CDYL: variants seen among roughly 807,000 people sequenced by gnomAD.
The protein encoded by CDYL is chromodomain Y-like protein.
A neutral mutation model predicts 47.3 loss-of-function variants in CDYL; 8 were observed. The ratio of observed to expected loss-of-function variants is 0.17; its 90% CI spans 0.10 to 0.31. The LOEUF (loss-of-function observed/expected upper bound fraction) is 0.31, where lower values mean the gene tolerates loss of function less well. Ranked by LOEUF, CDYL falls within the 10% of genes least tolerant of loss-of-function variation. The pLI, the probability that CDYL is intolerant of heterozygous loss-of-function variation, is 1.00. For missense variants in CDYL, 471 were observed against 701.4 expected, an observed-to-expected ratio of 0.67 and a Z score of 3.71; for synonymous variants, 266 against 265.0, an observed-to-expected ratio of 1.00 and a Z score of -0.04.
intron 1 of CDYL, among the ~76,000 whole-genome samples, chr6:4,779,143 CT>C (rs1374418544): frequency 6.6e-6 from 1 of 152,178 alleles, no homozygotes; most frequent in Admixed American, 6.5e-5. Flanking sequence ...GCAGTATTAT[CT>C]GTAGGGCAGA....
At chr6:4,922,914 G>C (rs968001040) in intron 2 of CDYL, among the ~76,000 whole-genome samples, 1 of 152,184 alleles carries the variant, frequency 6.6e-6, no homozygotes, top group Non-Finnish European at 1.5e-5. Flanking sequence ...TCGGGTGCCT[G>C]CAAGTGTGGC....
At position 4,953,989 on chromosome 6, in the gene CDYL, T is replaced by C; in HGVS notation, c.1568T>C (p.Ile523Thr). ...NERECEVLKK[I>T]WGSAQGMDSM... is the part of the protein sequence containing the mutation. ...AGGGAGTGTGAGGTGCTGAAGAAAA[T>C]CTGGGGCTCGGCCCAGGGGATGGAC... is the stretch of plus-strand genomic sequence containing the variant. The change falls in exon 7 of 7, where the codon ATC (isoleucine) becomes ACC (threonine). Residue 523 changes from isoleucine (I) to threonine (T), a missense_variant. Ile to Thr is a moderately conservative substitution (Grantham distance 89, BLOSUM62 -1). Around this residue, in one of 3 missense-constraint regions of CDYL, gnomAD observed 57 missense variants for 74.3 expected, o/e 0.77. Coordinates refer to ENST00000397588, the MANE Select transcript of CDYL (RefSeq NM_004824.4). 6.2e-7 allele frequency: 1 copy of C among 1,613,830 alleles called. No homozygotes were observed. The highest frequency in any genetic ancestry group is 1.3e-5 in the African/African-American group (1 of 74,920).
At chr6:4,852,283 A>G (rs973934378) in intron 1 of CDYL, among the ~76,000 whole-genome samples, 9 of 152,146 alleles carry the variant, frequency 5.9e-5, no homozygotes, top group Non-Finnish European at 1.0e-4. Context: ...ACTGGGGCAA[A>G]TGATGATTCC....
chr6:4,738,006 A>C (rs1368117935), intron 3 of CDYL, among the ~76,000 whole-genome samples: 14 of 152,276 alleles, frequency 9.2e-5, no homozygotes, highest in Admixed American at 9.2e-4. Context: ...AACATGCTAA[A>C]ATTATTTTAA....
intron 3 of CDYL, among the ~76,000 whole-genome samples, chr6:4,747,306 C>CAA (rs11481080): frequency 0.014 from 1,819 of 132,742 alleles, 30 homozygotes; most frequent in Middle Eastern, 0.027. Flanking sequence ...GACTTCATCT[C>CAA]AAAAAAAAAA....
intron 1 of CDYL, among the ~76,000 whole-genome samples, chr6:4,784,042 T>A (rs1036819128): frequency 6.6e-6 from 1 of 152,210 alleles, no homozygotes; most frequent in Admixed American, 6.5e-5. Flanking sequence ...TGTTTGTGTT[T>A]TGTTTTCTTT....
chr6:4,921,330 T>A (rs1410313465), intron 2 of CDYL, among the ~76,000 whole-genome samples: 1 of 152,190 alleles, frequency 6.6e-6, no homozygotes. Flanking sequence ...AGCACCGGCC[T>A]TCTCCCCATT....
At chr6:4,807,479 T>C (rs571998311) in intron 1 of CDYL, among the ~76,000 whole-genome samples, 7 of 152,296 alleles carry the variant, frequency 4.6e-5, no homozygotes, top group African/African-American at 1.7e-4. Context: ...GCAGCAGTTC[T>C]GTGGTGCTTA....
chr6:4,800,407 AGTT>A (rs1288916354), intron 1 of CDYL, among the ~76,000 whole-genome samples: 3 of 152,114 alleles, frequency 2.0e-5, no homozygotes, highest in Non-Finnish European at 4.4e-5. Context: ...TTATTGTCAC[AGTT>A]GTTGCATTTA....
At chr6:4,853,817 A>T (rs138587679) in intron 1 of CDYL, among the ~76,000 whole-genome samples, 236 of 152,344 alleles carry the variant, frequency 1.5e-3, no homozygotes, top group African/African-American at 5.3e-3. Flanking sequence ...TTCTCCTGCC[A>T]TGCCACAGCA....
chr6:4,728,439 C>T (rs1314794074), intron 2 of CDYL, among the ~76,000 whole-genome samples: 1 of 152,222 alleles, frequency 6.6e-6, no homozygotes, highest in Non-Finnish European at 1.5e-5. Context: ...TGGGCTTCCT[C>T]TTCCGTCCCG....
At chr6:4,724,449 A>C (rs867500143) in intron 2 of CDYL, 1 of 152,434 alleles carries the variant, frequency 6.6e-6, no homozygotes, top group Non-Finnish European at 1.5e-5. Flanking sequence ...CCAAATGTCT[A>C]TACCCTGAAG....
In CDYL at chr6:4,734,799, C is replaced by T. The variant is rs147093295; in HGVS notation, c.141C>T (p.Ser47=). The T allele has an allele frequency of 5.7e-4, 914 of 1,614,128 alleles. 4 individuals carry two copies. Among genetic ancestry groups the T allele is most frequent in the Middle Eastern group, 1.3e-3 (8 of 6,062 alleles). The change falls in exon 3 of 9, where the codon TCC becomes TCT. Residue 47 remains serine (S), a synonymous_variant. Coordinates refer to the CDYL transcript ENST00000328908. ...ATGGGCCTTCAGACCCCAGCATCTC[C>T]GTGAGCAGTGAGCAAAGCGGGGCAC...
At position 4,776,545 on chromosome 6, in the gene CDYL, G is replaced by T; in HGVS notation, c.-239G>T. On this transcript the variant is annotated 5_prime_UTR_variant, in exon 1 of 7. Transcript: ENST00000397588. ...GAGCCCGAGCGCGAGCCGGCCCGCC[G>T]GGGAGTGAGCGCGGGGCGCCCAGGG... The T allele has an allele frequency of 6.0e-6, 1 of 167,264 alleles. No homozygotes were observed. The highest frequency in any genetic ancestry group is 1.9e-4 in the South Asian group (1 of 5,348). 10.4% of individuals were successfully genotyped at this position (167,264 alleles called of 1,614,324 possible). A position where few individuals can be genotyped will look rare whatever the true frequency, so the allele number is the denominator to read the frequency against.
intron 3 of CDYL, among the ~76,000 whole-genome samples, chr6:4,755,038 TG>T (rs199524843): frequency 0.081 from 11,992 of 147,440 alleles, 504 homozygotes; most frequent in South Asian, 0.13. Flanking sequence ...TTGTTGTTGT[TG>T]TTGTTTTTTG....
At chr6:4,763,287 AAAAAC>A (rs1337699375) in intron 3 of CDYL, among the ~76,000 whole-genome samples, 2 of 152,178 alleles carry the variant, frequency 1.3e-5, no homozygotes, top group East Asian at 1.9e-4. Flanking sequence ...GAGATACAGT[AAAAAC>A]AAAACAAAAC....
chr6:4,776,053 G>A (rs907578962), upstream of CDYL, among the ~76,000 whole-genome samples: 15 of 150,452 alleles, frequency 1.0e-4, no homozygotes, highest in Non-Finnish European at 1.9e-4. Context: ...CGCCTGCCCT[G>A]GGCCGGGCCG....
At chr6:4,941,383 A>G (rs1758356378) in intron 4 of CDYL, among the ~76,000 whole-genome samples, 1 of 152,178 alleles carries the variant, frequency 6.6e-6, no homozygotes, top group Non-Finnish European at 1.5e-5. Flanking sequence ...CAGAGAAAGC[A>G]TTTCTGTAAA....
At chr6:4,849,806 G>T (rs1489200929) in intron 1 of CDYL, among the ~76,000 whole-genome samples, 1 of 151,924 alleles carries the variant, frequency 6.6e-6, no homozygotes, top group African/African-American at 2.4e-5. Flanking sequence ...CAGTACTAAT[G>T]AACTGCCTTC....
Sources: allele counts gnomAD v4.1 joint callset (sites outside exome capture counted in the v4.1 genomes callset), GRCh38; gene constraint gnomAD v4.1.1; regional missense constraint gnomAD v4.1.1; transcripts MANE v1.5; gene names NCBI Gene and HGNC (gene_info 2026-07-23, HGNC 2026-07-21).